The following MCOLN1 variants were observed in gnomAD, a reference collection of about 807,000 sequenced individuals.
MCOLN1 encodes mucolipin TRP cation channel 1.
Under a neutral mutation model 70.3 loss-of-function variants are expected in MCOLN1, and 50 were observed. That is an observed-to-expected ratio of 0.71 (90% CI 0.57 to 0.90). The LOEUF is 0.90. Among genes scored for constraint, MCOLN1 ranks in the 40% least tolerant of loss-of-function variants. The pLI is 0.00. For missense variants in MCOLN1, 598 were observed against 803.5 expected (o/e 0.74, Z 3.09); for synonymous variants, 366 against 341.0 (o/e 1.07, Z -0.81).
intron 10 of MCOLN1, among the ~76,000 whole-genome samples, 168 bp downstream of exon 10, chr19:7,529,370 G>A (rs1025607089): frequency 1.3e-4 from 20 of 152,164 alleles, no homozygotes; most frequent in African/African-American, 4.6e-4. Flanking sequence ...GCGGGGCCCC[G>A]GGAGCCTGCT....
Position 7,526,176 on chromosome 19 carries a change from A to T in MCOLN1, c.238-263A>T, listed in dbSNP as rs1456868188. On this transcript the variant is annotated intron_variant, in intron 2 of 13. Transcript: ENST00000264079. This position sits in a 1 kb window ranked among gnomAD's most constrained non-coding sequence, Gnocchi z 4.6. Reference sequence around the variant, plus strand: ...AACGTTAGTCCCTGCAGTGAGATAGATGAGTCCCCACCCTGTGTTGTACGG... The same window carrying T: ...AACGTTAGTCCCTGCAGTGAGATAGTTGAGTCCCCACCCTGTGTTGTACGG... 1.1e-5 allele frequency: 6 copies of T among 564,164 alleles called. No individual in the cohort carries two copies. The highest frequency in any genetic ancestry group is 4.0e-5 in the South Asian group (2 of 50,494). 34.9% of individuals were successfully genotyped at this position (564,164 alleles called of 1,614,324 possible). A position where few individuals can be genotyped will look rare whatever the true frequency, so the allele number is the denominator to read the frequency against.
rs776662674 is a variant in MCOLN1 at position 7,526,390 on chromosome 19, A to C, written c.238-49A>C. ...AGGGCCTGTGCCCTGAGGGAGATAC[A>C]CCCCAACCCCCATCCTAGCCATGCC... On this transcript the variant is annotated intron_variant, in intron 2 of 13. Coordinates refer to ENST00000264079, the MANE Select transcript of MCOLN1 (RefSeq NM_020533.3). The surrounding 1 kb of genome is among the most constrained non-coding windows in gnomAD (Gnocchi z 4.6). 6.2e-7 allele frequency: 1 copy of C among 1,610,432 alleles called. No homozygotes were observed. Among genetic ancestry groups the C allele is most frequent in the Non-Finnish European group, 8.5e-7 (1 of 1,176,738 alleles).
chr19:7,526,113 G>T lies in MCOLN1; in HGVS notation c.238-326G>T. ...CATGGTACTTACCCTGAAAGTTTGG[G>T]TTTAACACAGAATCGGACATCCAGT... is the stretch of plus-strand genomic sequence containing the variant. On this transcript the variant is annotated intron_variant, in intron 2 of 13. Coordinates refer to ENST00000264079, the MANE Select transcript of MCOLN1 (RefSeq NM_020533.3). This position sits in a 1 kb window ranked among gnomAD's most constrained non-coding sequence, Gnocchi z 4.6. 1 of 420,580 alleles carries T rather than the reference G, an allele frequency of 2.4e-6. No individual in the cohort carries two copies. Among genetic ancestry groups the T allele is most frequent in the Non-Finnish European group, 4.5e-6 (1 of 223,656 alleles). 26.1% of individuals were successfully genotyped at this position (420,580 alleles called of 1,614,324 possible).
Position 7,524,094 on chromosome 19 carries a change from C to T in MCOLN1, c.32-867C>T, listed in dbSNP as rs1280308160. Among the ~76,000 whole-genome samples the T allele has an allele frequency of 6.6e-6, 1 of 152,082 alleles. No homozygotes were observed. Among genetic ancestry groups the T allele is most frequent in the African/African-American group, 2.4e-5 (1 of 41,404 alleles). On this transcript the variant is annotated intron_variant, in intron 1 of 13. Transcript: ENST00000264079. The surrounding 1 kb of genome is among the most constrained non-coding windows in gnomAD (Gnocchi z 4.1). Reference sequence around the variant, plus strand: ...GTATTACCTAGGCTGGATCCTCCCACCTTGGCCTCCCAAAGCCGTTGGGAT... The same window carrying T: ...GTATTACCTAGGCTGGATCCTCCCATCTTGGCCTCCCAAAGCCGTTGGGAT...
chr19:7,529,501 G>GGGCCCCCCCCCCCCCCCCCC, intron 10 of MCOLN1, 89 bp from the exon 11 acceptor site: 1 of 747,250 alleles, frequency 1.3e-6, no homozygotes, highest in East Asian at 2.9e-5. Context: ...CCTCGGCAAG[G>GGGCCCCCCCCCCCCCCCCCC]CCCCGCCCCT....
At position 7,525,691 on chromosome 19, in the gene MCOLN1, A is replaced by G. The variant is rs1196171423; in HGVS notation, c.237+525A>G. 5 of 180,574 alleles carry G rather than the reference A, an allele frequency of 2.8e-5. No homozygotes were observed. The highest frequency in any genetic ancestry group is 1.2e-4 in the African/African-American group (5 of 41,396). 11.2% of individuals were successfully genotyped at this position (180,574 alleles called of 1,614,324 possible). On this transcript the variant is annotated intron_variant, in intron 2 of 13. Transcript: ENST00000264079. This position sits in a 1 kb window ranked among gnomAD's most constrained non-coding sequence, Gnocchi z 4.2. ...GGGAACCCCAAGATGAATCAGACCC[A>G]GCCACTGCCCTAAGTGCTTACTTCA...
rs750687290 is a variant in MCOLN1 at position 7,530,272 on chromosome 19, C to T, written c.1360-14C>T. The T allele has an allele frequency of 9.3e-6, 15 of 1,609,520 alleles. No homozygotes were observed. Among genetic ancestry groups the T allele is most frequent in the South Asian group, 3.3e-5 (3 of 91,034 alleles). The stretch of plus-strand genomic sequence containing the variant: ...ATGCCTTGGCTCCCTCTGACCCCGC[C>T]GCCCCTCTGGCAGTTCCGCTCACTC... On this transcript the variant is annotated splice_polypyrimidine_tract_variant and intron_variant, in intron 11 of 13. Transcript: ENST00000264079.
chr19:7,529,510 C>CCCCCCCCCCCCACGGGGG, intron 10 of MCOLN1, 80 bp from the exon 11 acceptor site: 1 of 912,890 alleles, frequency 1.1e-6, no homozygotes. Context: ...GGCCCCGCCC[C>CCCCCCCCCCCCACGGGGG]TCCCACCCCC....
Position 7,522,770 on chromosome 19 carries a change from CG to C in MCOLN1, c.21del (p.Arg8AlafsTer9). Reference protein sequence around the residue: MTAPAGPRGSETERLLT... With the variant: MTAPAGXRGSETERLLT... ...CCCAGCATGACAGCCCCGGCGGGTC[CG>C]CGCGGCTCAGGTGAGGGCGCGGGCG... is the stretch of plus-strand genomic sequence containing the variant. On this transcript the variant is annotated frameshift_variant, in exon 1 of 14. Coordinates refer to ENST00000264079, the MANE Select transcript of MCOLN1 (RefSeq NM_020533.3). LOFTEE classifies it high-confidence loss of function. 7.1e-7 allele frequency: 1 copy of C among 1,405,502 alleles called. No individual in the cohort carries two copies. The highest frequency in any genetic ancestry group is 3.0e-5 in the Admixed American group (1 of 33,628). 87.1% of individuals were successfully genotyped at this position (1,405,502 alleles called of 1,614,324 possible). A position where few individuals can be genotyped will look rare whatever the true frequency, so the allele number is the denominator to read the frequency against.
intron 12 of MCOLN1, among the ~76,000 whole-genome samples, chr19:7,531,619 C>T (rs1259150276): frequency 6.6e-6 from 1 of 152,160 alleles, no homozygotes; most frequent in Non-Finnish European, 1.5e-5. Flanking sequence ...GACCCCAGCC[C>T]CCAGCCATGC....
In MCOLN1 at chr19:7,528,602, A is replaced by C; in HGVS notation, c.883A>C (p.Asn295His). The C allele has an allele frequency of 6.2e-7, 1 of 1,614,186 alleles. No homozygotes were observed. Among genetic ancestry groups the C allele is most frequent in the Non-Finnish European group, 8.5e-7 (1 of 1,180,028 alleles). ...CCGCTCTGCCCTCCCCGCAGGAGAC[A>C]ACAGCTTCCGGCTCCTGTTTGACGT... ...KHPSVFQHGD[N>H]SFRLLFDVVV... is the part of the protein sequence containing the mutation. Residue 295 changes from asparagine (N) to histidine (H), a missense_variant, in exon 8 of 14, where the codon AAC becomes CAC. Transcript: ENST00000264079. The surrounding 1 kb of genome is among the most constrained non-coding windows in gnomAD (Gnocchi z 4.2).
intron 12 of MCOLN1, among the ~76,000 whole-genome samples, chr19:7,530,762 G>C (rs1326454057): frequency 1.3e-5 from 2 of 152,206 alleles, no homozygotes; most frequent in African/African-American, 2.4e-5. Context: ...TTGTTTATTT[G>C]AGACGGAGTC....
intron 12 of MCOLN1, among the ~76,000 whole-genome samples, chr19:7,532,750 C>CA (rs1487813104): frequency 3.9e-5 from 6 of 152,262 alleles, no homozygotes; most frequent in African/African-American, 1.4e-4. Context: ...AATTTTAATT[C>CA]AAATGAAGTA....
At chr19:7,531,543 T>C (rs951422010) in intron 12 of MCOLN1, among the ~76,000 whole-genome samples, 1 of 152,180 alleles carries the variant, frequency 6.6e-6, no homozygotes, top group African/African-American at 2.4e-5. Flanking sequence ...CCCTGGGACG[T>C]TGCCATTAAC....
rs184781597 is a variant in MCOLN1, at chr19:7,529,891, C to T, written c.1359+179C>T. ...GTCACAGTTGTTGATGACCCTATTT[C>T]GACCTGAATTACTCCCCTCCTGCTC... On this transcript the variant is annotated intron_variant, in intron 11 of 13. Coordinates refer to ENST00000264079, the MANE Select transcript of MCOLN1 (RefSeq NM_020533.3). Among the ~76,000 whole-genome samples, 7 of 152,322 alleles carry T rather than the reference C, an allele frequency of 4.6e-5. No homozygotes were observed. The East Asian group carries it at 5.8e-4, about 13-fold the overall frequency.
rs774352633 is a variant in MCOLN1, at chr19:7,530,354, G to A, written c.1428G>A (p.Thr476=). The A allele has an allele frequency of 2.2e-5, 36 of 1,613,854 alleles. No homozygotes were observed. The highest frequency in any genetic ancestry group is 1.3e-4 in the East Asian group (6 of 44,882). ...TCAATGGGGACGACATGTTTGTGACGTTCGCCGCCATGCAGGCGCAGCAGG... is the reference window on the plus strand; with the variant it reads ...TCAATGGGGACGACATGTTTGTGACATTCGCCGCCATGCAGGCGCAGCAGG... ...SLINGDDMFV[T]FAAMQAQQGR... is the part of the protein sequence containing the mutation. The change falls in exon 12 of 14, where the codon ACG becomes ACA. Residue 476 remains threonine, a synonymous_variant. Transcript: ENST00000264079.
intron 12 of MCOLN1, among the ~76,000 whole-genome samples, chr19:7,530,728 G>A (rs1208936159): frequency 6.6e-6 from 1 of 152,192 alleles, no homozygotes; most frequent in Non-Finnish European, 1.5e-5. Context: ...CAGGGCAACC[G>A]AGTCATAGAG....
In MCOLN1 at chr19:7,524,951, A is replaced by G. The variant is rs371191277; in HGVS notation, c.32-10A>G. On this transcript the variant is annotated splice_polypyrimidine_tract_variant and intron_variant, in intron 1 of 13. Coordinates refer to ENST00000264079, the MANE Select transcript of MCOLN1 (RefSeq NM_020533.3). The surrounding 1 kb of genome is among the most constrained non-coding windows in gnomAD (Gnocchi z 4.1). ...AGGCCTCACCCCAGTGCCCTCTCCT[A>G]TTCCCACAGAGACCGAGCGGCTTCT... 436 of 1,612,740 alleles carry G rather than the reference A, an allele frequency of 2.7e-4. No homozygotes were observed. In the African/African-American group the frequency reaches 2.9e-3, roughly 11 times the overall value.
In MCOLN1 at chr19:7,526,241, A is replaced by C; in HGVS notation, c.238-198A>C. On this transcript the variant is annotated intron_variant, in intron 2 of 13. Transcript: ENST00000264079. This position sits in a 1 kb window ranked among gnomAD's most constrained non-coding sequence, Gnocchi z 4.6. ...GTGGGCGTGGCATGGAGCTTATGCC[A>C]GGAGGTGGGGTGAAATTAATCAAAG... 1 of 667,352 alleles carries C rather than the reference A, an allele frequency of 1.5e-6. No homozygotes were observed. The highest frequency in any genetic ancestry group is 1.7e-5 in the South Asian group (1 of 58,650). 41.3% of individuals were successfully genotyped at this position (667,352 alleles called of 1,614,324 possible).
Sources: allele counts gnomAD v4.1 joint callset (sites outside exome capture counted in the v4.1 genomes callset), GRCh38; gene constraint gnomAD v4.1.1; non-coding constraint Gnocchi (gnomAD v3.1); transcripts MANE v1.5; gene names NCBI Gene and HGNC (gene_info 2026-07-23, HGNC 2026-07-21).